The following DIAPH3 variants were observed in gnomAD, a reference collection of about 807,000 sequenced individuals.
DIAPH3 encodes diaphanous related formin 3.
Under a neutral mutation model 144.3 loss-of-function variants are expected in DIAPH3, and 117 were observed. The observed-to-expected ratio is 0.81, with a 90% confidence interval of 0.70 to 0.95. The LOEUF (loss-of-function observed/expected upper bound fraction) is 0.95, where lower values mean the gene tolerates loss of function less well. Ranked by LOEUF, DIAPH3 falls within the 40% of genes least tolerant of loss-of-function variation. The pLI is 0.00. For missense variants in DIAPH3, 1,421 were observed against 1,412.7 expected (o/e 1.01, Z -0.09); for synonymous variants, 519 against 488.9 (o/e 1.06, Z -0.81).
At chr13:60,061,353 A>T (rs948907611) in intron 4 of DIAPH3, among the ~76,000 whole-genome samples, 57 of 152,114 alleles carry the variant, frequency 3.7e-4, no homozygotes, top group African/African-American at 1.3e-3. Context: ...CATGGACAAT[A>T]GGATGGAACT....
At chr13:59,965,206 CTG>C (rs908255623) in intron 17 of DIAPH3, among the ~76,000 whole-genome samples, 1 of 152,120 alleles carries the variant, frequency 6.6e-6, no homozygotes, top group African/African-American at 2.4e-5. Context: ...AATCCATTAA[CTG>C]TTTCCATATG....
chr13:60,149,665 A>T (rs1951692953), intron 1 of DIAPH3, among the ~76,000 whole-genome samples: 1 of 150,398 alleles, frequency 6.6e-6, no homozygotes, highest in Non-Finnish European at 1.5e-5. Flanking sequence ...AGGTGGGAGG[A>T]TCACATGAGC....
intron 17 of DIAPH3, among the ~76,000 whole-genome samples, chr13:59,926,870 T>G (rs1300889712): frequency 3.3e-5 from 5 of 152,188 alleles, no homozygotes; most frequent in Non-Finnish European, 7.3e-5. Context: ...AGTTTCAGAT[T>G]GATAGTTCTT....
chr13:59,718,196 T>C (rs1221841445), intron 27 of DIAPH3, among the ~76,000 whole-genome samples: 1 of 152,032 alleles, frequency 6.6e-6, no homozygotes, highest in Non-Finnish European at 1.5e-5. Flanking sequence ...ACGCTGCTGG[T>C]GGTGAGGAAA....
At chr13:60,010,853 C>A (rs1468332188) in intron 7 of DIAPH3, among the ~76,000 whole-genome samples, 184 bp from the exon 8 acceptor site, 1 of 152,034 alleles carries the variant, frequency 6.6e-6, no homozygotes, top group Non-Finnish European at 1.5e-5. Flanking sequence ...CGCCTGTAAT[C>A]CCAGAACTTT....
In DIAPH3 at chr13:60,162,803, TCTCTCTCA is replaced by T. The variant is rs781506081; in HGVS notation, c.180+776_180+783del. Among the ~76,000 whole-genome samples the T allele has an allele frequency of 4.8e-4, 67 of 138,542 alleles. 1 individual carries two copies. In the East Asian group the frequency reaches 0.015, roughly 30 times the overall value. 90.9% of individuals were successfully genotyped at this position (138,542 alleles called of 152,430 possible). A position where few individuals can be genotyped will look rare whatever the true frequency, so the allele number is the denominator to read the frequency against. On this transcript the variant is annotated intron_variant, in intron 1 of 27. Coordinates refer to ENST00000400324, the MANE Select transcript of DIAPH3 (RefSeq NM_001042517.2). Reference sequence around the variant, plus strand: ...GCTGTACTCTCTCTCTCTCTCTCTCTCTCTCTCACACACACACACACACACACACACAC... The same window carrying T: ...GCTGTACTCTCTCTCTCTCTCTCTCTCACACACACACACACACACACACAC...
In DIAPH3 at chr13:60,008,545, T is replaced by G; in HGVS notation, c.1013A>C (p.Gln338Pro). Residue 338 changes from glutamine (Q) to proline (P), a missense_variant and splice_region_variant, in exon 9 of 28, where the codon CAA becomes CCA. Physicochemically the swap from Gln to Pro is moderately conservative, Grantham distance 76. Coordinates refer to ENST00000400324, the MANE Select transcript of DIAPH3 (RefSeq NM_001042517.2). The part of the protein sequence containing the change: ...EGLRHNSVQL[Q>P]VACMQLINAL... Reference sequence around the variant, plus strand: ...ATTTTATATACACACAAAACTTACTTGCAGTTGAACTGAATTGTGCCGGAG... The same window carrying G: ...ATTTTATATACACACAAAACTTACTGGCAGTTGAACTGAATTGTGCCGGAG... The G allele has an allele frequency of 6.2e-7, 1 of 1,608,094 alleles. No individual in the cohort carries two copies. Among genetic ancestry groups the G allele is most frequent in the Non-Finnish European group, 8.5e-7 (1 of 1,175,458 alleles).
At chr13:60,108,487 A>G (rs1399299168) in intron 3 of DIAPH3, among the ~76,000 whole-genome samples, 2 of 152,234 alleles carry the variant, frequency 1.3e-5, no homozygotes, top group Non-Finnish European at 2.9e-5. Flanking sequence ...ATGTGCCTGT[A>G]GTCCCTGCTA....
chr13:59,719,018 CTGAGATTTAGCTCATGG>C (rs2035202060), intron 27 of DIAPH3, among the ~76,000 whole-genome samples: 1 of 152,078 alleles, frequency 6.6e-6, no homozygotes, highest in Non-Finnish European at 1.5e-5. Context: ...ATTTCTTTCC[CTGAGATTTAGCTCATGG>C]TATGCCTCTG....
intron 20 of DIAPH3, among the ~76,000 whole-genome samples, chr13:59,896,421 T>C (rs2046101883): frequency 6.6e-6 from 1 of 152,084 alleles, no homozygotes; most frequent in African/African-American, 2.4e-5. Flanking sequence ...GTATCACAAG[T>C]CACAGATACC....
At chr13:59,881,895 G>T (rs1188189840) in intron 20 of DIAPH3, among the ~76,000 whole-genome samples, 1 of 152,102 alleles carries the variant, frequency 6.6e-6, no homozygotes, top group Non-Finnish European at 1.5e-5. Flanking sequence ...GAGTAAATGT[G>T]TTTTAATAAA....
At chr13:59,725,940 T>G (rs1254955961) in intron 27 of DIAPH3, among the ~76,000 whole-genome samples, 1 of 152,224 alleles carries the variant, frequency 6.6e-6, no homozygotes, top group Non-Finnish European at 1.5e-5. Context: ...TCATATGCTT[T>G]GATGACCAAT....
intron 2 of DIAPH3, among the ~76,000 whole-genome samples, chr13:60,124,662 T>G (rs901804868): frequency 1.3e-5 from 2 of 152,098 alleles, no homozygotes; most frequent in South Asian, 4.1e-4. Flanking sequence ...GATACGGTCT[T>G]GGTAACATGG....
chr13:60,103,344 A>G (rs957234470), intron 3 of DIAPH3, among the ~76,000 whole-genome samples: 1 of 152,144 alleles, frequency 6.6e-6, no homozygotes, highest in Non-Finnish European at 1.5e-5. Flanking sequence ...TTAAATTTAC[A>G]TACATCAAGT....
At chr13:60,138,017 C>A (rs2059334981) in intron 1 of DIAPH3, among the ~76,000 whole-genome samples, 1 of 152,088 alleles carries the variant, frequency 6.6e-6, no homozygotes, top group Non-Finnish European at 1.5e-5. Flanking sequence ...AGCCACCACG[C>A]CTGGCCAAAA....
rs190796726 is a variant in DIAPH3 at position 60,044,839 on chromosome 13, C to T, written c.496-2019G>A. 1.2e-4 allele frequency among the ~76,000 whole-genome samples: 19 copies of T among 152,170 alleles called. No homozygotes were observed. In the East Asian group the frequency reaches 2.7e-3, roughly 22 times the overall value. Reference sequence around the variant, plus strand: ...GTAGGAGGTAACTGAATCATGAGGACGGTTACCTCCATGCTGTCCTCATGA... The same window carrying T: ...GTAGGAGGTAACTGAATCATGAGGATGGTTACCTCCATGCTGTCCTCATGA... On this transcript the variant is annotated intron_variant, in intron 4 of 27. Coordinates refer to ENST00000400324, the MANE Select transcript of DIAPH3 (RefSeq NM_001042517.2).
chr13:59,701,014 G>T (rs1437936978), intron 27 of DIAPH3, among the ~76,000 whole-genome samples: 2 of 151,926 alleles, frequency 1.3e-5, no homozygotes, highest in African/African-American at 4.8e-5. Context: ...TAGAAGATTT[G>T]GTATATCAGT....
chr13:59,971,298 A>C, intron 15 of DIAPH3, 138 bp from the exon 16 acceptor site: 2 of 812,324 alleles, frequency 2.5e-6, no homozygotes, highest in Non-Finnish European at 3.6e-6. Context: ...TTAACCAAAA[A>C]TCAAAATTCC....
intron 4 of DIAPH3, among the ~76,000 whole-genome samples, chr13:60,060,664 A>G (rs2056735085): frequency 6.6e-6 from 1 of 152,126 alleles, no homozygotes; most frequent in African/African-American, 2.4e-5. Context: ...TACGCCTTTT[A>G]TATTTCCCAG....
Sources: allele counts gnomAD v4.1 joint callset (sites outside exome capture counted in the v4.1 genomes callset), GRCh38; gene constraint gnomAD v4.1.1; transcripts MANE v1.5; gene names NCBI Gene and HGNC (gene_info 2026-07-23, HGNC 2026-07-21).